CEP63: variants seen among roughly 807,000 people sequenced by gnomAD.
CEP63 encodes centrosomal protein 63, also known as centrosomal protein of 63 kDa.
A neutral mutation model predicts 89.1 loss-of-function variants in CEP63; 84 were observed. That is an observed-to-expected ratio of 0.94 (90% CI 0.79 to 1.13). The LOEUF is 1.13. CEP63 is among the 50% of genes most tolerant of loss of function. CEP63 has a pLI of 0.00. For synonymous variants in CEP63, 267 were observed against 272.5 expected (o/e 0.98, Z 0.20); for missense variants, 838 against 813.3 (o/e 1.03, Z -0.37).
the CEP63 span, among the ~76,000 whole-genome samples, chr3:134,623,277 A>C: frequency 6.6e-6 from 1 of 152,026 alleles, no homozygotes. Context: ...AGCCTGACCC[A>C]TCCCTTCCGA....
chr3:134,754,445 T>C, the CEP63 span, among the ~76,000 whole-genome samples: 1 of 152,192 alleles, frequency 6.6e-6, no homozygotes, highest in Non-Finnish European at 1.5e-5. Flanking sequence ...TCCTCTTGCT[T>C]CACAACTCCC....
At chr3:134,654,786 G>A in the CEP63 span, among the ~76,000 whole-genome samples, 1 of 152,174 alleles carries the variant, frequency 6.6e-6, no homozygotes, top group Non-Finnish European at 1.5e-5. Flanking sequence ...CACAGTTGGA[G>A]GGCGGGTATA....
At chr3:134,746,377 A>G in the CEP63 span, among the ~76,000 whole-genome samples, 78 of 152,178 alleles carry the variant, frequency 5.1e-4, no homozygotes, top group Non-Finnish European at 9.1e-4. Context: ...TGCTGCAATA[A>G]ACATAAGTGT....
chr3:134,692,463 T>C, the CEP63 span, among the ~76,000 whole-genome samples: 1 of 152,124 alleles, frequency 6.6e-6, no homozygotes, highest in African/African-American at 2.4e-5. Context: ...TATGGCTGCA[T>C]AGTATTCCAT....
chr3:134,488,540 C>T (rs573158607), intron 1 of CEP63, among the ~76,000 whole-genome samples: 2 of 148,534 alleles, frequency 1.3e-5, no homozygotes, highest in African/African-American at 5.0e-5. Context: ...ATCCGGGAGG[C>T]GGAGGTTGCA....
intron 3 of CEP63, among the ~76,000 whole-genome samples, chr3:134,509,470 G>C (rs1251180226): frequency 6.6e-6 from 1 of 152,194 alleles, no homozygotes; most frequent in Non-Finnish European, 1.5e-5. Flanking sequence ...CATATCACTT[G>C]TCAACAAACT....
the CEP63 span, among the ~76,000 whole-genome samples, chr3:134,662,110 C>G: frequency 6.6e-6 from 1 of 152,086 alleles, no homozygotes; most frequent in East Asian, 1.9e-4. Flanking sequence ...AACCCTGTCT[C>G]TACTACAAAT....
chr3:134,554,828 T>C (rs1483759639), intron 12 of CEP63, among the ~76,000 whole-genome samples: 1 of 152,214 alleles, frequency 6.6e-6, no homozygotes, highest in Non-Finnish European at 1.5e-5. Flanking sequence ...ACTTCTCTGA[T>C]GGCCAGTGAT....
chr3:134,519,385 C>G (rs769850192), intron 3 of CEP63, among the ~76,000 whole-genome samples: 1 of 152,020 alleles, frequency 6.6e-6, no homozygotes, highest in Non-Finnish European at 1.5e-5. Context: ...CTGCCCGCCT[C>G]AGCCACCCAA....
chr3:134,551,781 G>T, intron 11 of CEP63, 145 bp from the exon 12 acceptor site: 1 of 184,656 alleles, frequency 5.4e-6, no homozygotes, highest in Non-Finnish European at 1.0e-5. Flanking sequence ...ATATATATAT[G>T]TATATATATA....
chr3:134,616,195 A>G, the CEP63 span, among the ~76,000 whole-genome samples: 1 of 152,228 alleles, frequency 6.6e-6, no homozygotes, highest in Non-Finnish European at 1.5e-5. Context: ...AGGAAACTGG[A>G]CCAGCAGTTA....
chr3:134,650,924 C>T, the CEP63 span: 2 of 1,613,326 alleles, frequency 1.2e-6, no homozygotes, highest in Non-Finnish European at 1.7e-6. Context: ...AGCAGCATGT[C>T]GATAGATACA....
chr3:134,611,895 A>G, the CEP63 span, among the ~76,000 whole-genome samples: 1 of 152,240 alleles, frequency 6.6e-6, no homozygotes, highest in South Asian at 2.1e-4. Context: ...AAAAATGAAC[A>G]TGTAATTTAA....
chr3:134,647,601 C>G, the CEP63 span: 4 of 650,586 alleles, frequency 6.1e-6, no homozygotes, highest in South Asian at 1.9e-5. Context: ...GATCTTGGCT[C>G]TCTTGGAATC....
the CEP63 span, among the ~76,000 whole-genome samples, chr3:134,628,467 G>A: frequency 1.3e-5 from 2 of 152,158 alleles, no homozygotes; most frequent in East Asian, 1.9e-4. Context: ...GGGATGCCAA[G>A]GCAGGTAGTT....
chr3:134,777,270 T>C, the CEP63 span, among the ~76,000 whole-genome samples: 2 of 152,362 alleles, frequency 1.3e-5, no homozygotes, highest in East Asian at 3.9e-4. Context: ...ATCTGGACTA[T>C]ATTTCTTGTT....
chr3:134,672,280 G>A, the CEP63 span, among the ~76,000 whole-genome samples: 15 of 152,188 alleles, frequency 9.9e-5, no homozygotes, highest in South Asian at 4.1e-4. Flanking sequence ...AGGAATAAAT[G>A]AGATTTCACA....
At chr3:134,644,574 T>A in the CEP63 span, among the ~76,000 whole-genome samples, 1 of 152,236 alleles carries the variant, frequency 6.6e-6, no homozygotes, top group Admixed American at 6.5e-5. Context: ...TATAGCTTCC[T>A]GCTGGCTTGC....
chr3:134,508,570 G>T (rs1386919819), intron 3 of CEP63, among the ~76,000 whole-genome samples: 1 of 152,108 alleles, frequency 6.6e-6, no homozygotes, highest in Non-Finnish European at 1.5e-5. Flanking sequence ...TGTTTATTTT[G>T]TTAGAAACTC....
Sources: allele counts gnomAD v4.1 joint callset (sites outside exome capture counted in the v4.1 genomes callset), GRCh38; gene constraint gnomAD v4.1.1; transcripts MANE v1.5; gene names NCBI Gene and HGNC (gene_info 2026-07-23, HGNC 2026-07-21).